The following TMTC3 variants were observed in gnomAD, a reference collection of about 807,000 sequenced individuals.
TMTC3 encodes protein O-mannosyl-transferase TMTC3.
Under a neutral mutation model 92.2 loss-of-function variants are expected in TMTC3, and 52 were observed. The observed-to-expected ratio is 0.56, with a 90% confidence interval of 0.45 to 0.71. The LOEUF is 0.71. Among genes scored for constraint, TMTC3 ranks in the 30% least tolerant of loss-of-function variants. The pLI is 0.00. For missense variants in TMTC3, 896 were observed against 1,057.1 expected, an observed-to-expected ratio of 0.85 and a Z score of 2.11; for synonymous variants, 339 against 363.3, an observed-to-expected ratio of 0.93 and a Z score of 0.76.
intron 2 of TMTC3, 58 bp downstream of exon 2, chr12:88,148,562 T>A: frequency 1.6e-6 from 2 of 1,252,790 alleles, no homozygotes; most frequent in Admixed American, 4.6e-5. Context: ...TATTCTGGTA[T>A]TTTATTACTT....
chr12:88,186,943 C>T (rs1251298429), intron 10 of TMTC3, among the ~76,000 whole-genome samples: 1 of 151,988 alleles, frequency 6.6e-6, no homozygotes. Context: ...TAGTAATTCA[C>T]CTCATTTTTT....
chr12:88,160,929 G>A, intron 6 of TMTC3, 78 bp downstream of exon 6: 1 of 1,380,254 alleles, frequency 7.2e-7, no homozygotes, highest in Non-Finnish European at 9.8e-7. Context: ...GTTGAAGAAA[G>A]TATTTTATTT....
intron 12 of TMTC3, 40 bp from the exon 13 acceptor site, chr12:88,192,564 G>A: frequency 6.8e-7 from 1 of 1,474,880 alleles, no homozygotes; most frequent in Non-Finnish European, 9.4e-7. Flanking sequence ...AACTGAGATG[G>A]TAATGTTGTA....
chr12:88,188,353 T>G (rs1252308182), intron 10 of TMTC3, among the ~76,000 whole-genome samples: 1 of 152,150 alleles, frequency 6.6e-6, no homozygotes, highest in Non-Finnish European at 1.5e-5. Context: ...TTGAGTGAAT[T>G]CCTAAGCTAT....
chr12:88,186,996 A>T (rs1040710672), intron 10 of TMTC3, among the ~76,000 whole-genome samples: 5 of 152,044 alleles, frequency 3.3e-5, no homozygotes, highest in African/African-American at 4.8e-5. Flanking sequence ...TTGGTTGGGG[A>T]TAATTTCAAT....
At chr12:88,194,397 C>T (rs1283443938) in intron 13 of TMTC3, among the ~76,000 whole-genome samples, 7 of 151,940 alleles carry the variant, frequency 4.6e-5, no homozygotes, top group Non-Finnish European at 2.9e-5. Flanking sequence ...AACATTTTTT[C>T]GATATACAAC....
chr12:88,178,722 G>A (rs1008623663), intron 10 of TMTC3, among the ~76,000 whole-genome samples: 8 of 152,090 alleles, frequency 5.3e-5, no homozygotes, highest in African/African-American at 1.9e-4. Context: ...GCAATGCATG[G>A]ATTAATTATA....
intron 8 of TMTC3, chr12:88,173,011 A>T (rs907839867): frequency 1.1e-5 from 15 of 1,371,882 alleles, no homozygotes; most frequent in African/African-American, 1.5e-5. Flanking sequence ...GAAAACAAGG[A>T]TGTTACTGAG....
chr12:88,185,615 A>G (rs1043693977), intron 10 of TMTC3, among the ~76,000 whole-genome samples: 2 of 152,146 alleles, frequency 1.3e-5, no homozygotes, highest in African/African-American at 4.8e-5. Flanking sequence ...GAAAAATGGC[A>G]TGGTCATATG....
At chr12:88,158,973 A>C (rs1052368359) in intron 4 of TMTC3, among the ~76,000 whole-genome samples, 2 of 151,504 alleles carry the variant, frequency 1.3e-5, no homozygotes, top group Non-Finnish European at 2.9e-5. Context: ...AATCACTCAA[A>C]GCTGGGAGGC....
intron 1 of TMTC3, 30 bp downstream of exon 1, chr12:88,142,517 G>C (rs959811122): frequency 3.3e-5 from 5 of 152,654 alleles, no homozygotes; most frequent in Admixed American, 1.3e-4. Context: ...CAGCATATTG[G>C]GAGGAATTGA....
chr12:88,171,394 T>G (rs1170863749), intron 7 of TMTC3, among the ~76,000 whole-genome samples: 2 of 152,146 alleles, frequency 1.3e-5, no homozygotes, highest in Non-Finnish European at 2.9e-5. Flanking sequence ...GTGACCACCA[T>G]GTACTGTACT....
At chr12:88,172,313 G>C (rs965562431) in intron 7 of TMTC3, among the ~76,000 whole-genome samples, 13 of 151,878 alleles carry the variant, frequency 8.6e-5, no homozygotes, top group African/African-American at 3.1e-4. Context: ...TAGAAATCTT[G>C]TTTTCAAAGT....
At chr12:88,160,600 C>T (rs1002038132) in intron 5 of TMTC3, 79 bp from the exon 6 acceptor site, 19 of 1,202,676 alleles carry the variant, frequency 1.6e-5, no homozygotes, top group Non-Finnish European at 2.0e-5. Context: ...TCTAATCTTG[C>T]AATTAGAAAG....
At chr12:88,158,311 A>T (rs1225943088) in intron 4 of TMTC3, among the ~76,000 whole-genome samples, 2 of 151,966 alleles carry the variant, frequency 1.3e-5, no homozygotes, top group African/African-American at 4.8e-5. Context: ...TTCTACATCC[A>T]CCTTTCCCAA....
At chr12:88,159,039 C>T (rs996072768) in intron 4 of TMTC3, among the ~76,000 whole-genome samples, 4 of 127,764 alleles carry the variant, frequency 3.1e-5, no homozygotes, top group South Asian at 2.4e-4. Flanking sequence ...GCAACAAGAG[C>T]GAAACTCTGT....
At chr12:88,148,579 C>A in intron 2 of TMTC3, 75 bp downstream of exon 2, 1 of 1,099,758 alleles carries the variant, frequency 9.1e-7, no homozygotes, top group Non-Finnish European at 1.3e-6. Flanking sequence ...ACTTCTAATT[C>A]TTTATCAACA....
intron 1 of TMTC3, among the ~76,000 whole-genome samples, chr12:88,148,052 G>A (rs1315542919): frequency 1.3e-5 from 2 of 152,062 alleles, no homozygotes; most frequent in Admixed American, 6.6e-5. Context: ...AGGTTACTTG[G>A]CTTTATCCCG....
At chr12:88,178,156 A>G (rs538152476) in intron 10 of TMTC3, among the ~76,000 whole-genome samples, 15 of 152,338 alleles carry the variant, frequency 9.8e-5, no homozygotes, top group Admixed American at 5.2e-4. Flanking sequence ...AGAAAAGAAC[A>G]CAGTCACCAC....
Sources: allele counts gnomAD v4.1 joint callset (sites outside exome capture counted in the v4.1 genomes callset), GRCh38; gene constraint gnomAD v4.1.1; transcripts MANE v1.5; gene names NCBI Gene and HGNC (gene_info 2026-07-23, HGNC 2026-07-21).